ARHGAP28: variants seen among roughly 807,000 people sequenced by gnomAD.
ARHGAP28 encodes the protein Rho GTPase activating protein 28, also known as rho GTPase-activating protein 28.
A neutral mutation model predicts 90.7 loss-of-function variants in ARHGAP28; 56 were observed. The ratio of observed to expected loss-of-function variants is 0.62; its 90% CI spans 0.50 to 0.77. The LOEUF is 0.77. Among genes scored for constraint, ARHGAP28 ranks in the 30% least tolerant of loss-of-function variants. ARHGAP28 has a pLI of 0.00. For synonymous variants in ARHGAP28, 308 were observed against 323.3 expected, an observed-to-expected ratio of 0.95 and a Z score of 0.51; for missense variants, 869 against 900.9, an observed-to-expected ratio of 0.96 and a Z score of 0.45.
At chr18:6,845,218 A>G (rs1427033884) in intron 3 of ARHGAP28, among the ~76,000 whole-genome samples, 1 of 152,200 alleles carries the variant, frequency 6.6e-6, no homozygotes, top group Non-Finnish European at 1.5e-5. Flanking sequence ...AGCTGGGACT[A>G]CAACTGCACA....
intron 3 of ARHGAP28, among the ~76,000 whole-genome samples, chr18:6,846,086 C>T (rs1321121174): frequency 6.6e-6 from 1 of 152,098 alleles, no homozygotes; most frequent in African/African-American, 2.4e-5. Flanking sequence ...TGAATAGGAG[C>T]GATAGAAGGA....
At chr18:6,734,723 A>T (rs192130317) in intron 1 of ARHGAP28, among the ~76,000 whole-genome samples, 15 of 152,320 alleles carry the variant, frequency 9.8e-5, no homozygotes, top group Admixed American at 2.0e-4. Context: ...CTAAGCATTT[A>T]TGTAGGCCCG....
chr18:6,802,733 A>G (rs1040137398), intron 1 of ARHGAP28, among the ~76,000 whole-genome samples: 3 of 152,142 alleles, frequency 2.0e-5, no homozygotes, highest in Non-Finnish European at 4.4e-5. Flanking sequence ...TAAAATACTA[A>G]ATCTTCCAAT....
chr18:6,747,834 T>C (rs190051270), intron 1 of ARHGAP28, among the ~76,000 whole-genome samples: 3 of 152,304 alleles, frequency 2.0e-5, no homozygotes, highest in Admixed American at 2.0e-4. Flanking sequence ...ACATAGCTCT[T>C]ACCCCCAGTG....
rs191304762 is a variant in ARHGAP28, at chr18:6,782,766, A to G, written c.123-41996A>G. ...CACCCAGCCAAGAGATTAATTATAT[A>G]TCATATTTTATATACAATTATATAA... is the stretch of plus-strand genomic sequence containing the variant. On this transcript the variant is annotated intron_variant, in intron 1 of 17. Coordinates refer to ENST00000383472, the MANE Select transcript of ARHGAP28 (RefSeq NM_001366230.1). 5.4e-4 allele frequency among the ~76,000 whole-genome samples: 82 copies of G among 151,014 alleles called. 1 individual carries two copies. The highest frequency in any genetic ancestry group is 1.8e-3 in the African/African-American group (75 of 41,264).
At chr18:6,786,287 T>C (rs969407659) in intron 1 of ARHGAP28, among the ~76,000 whole-genome samples, 1 of 152,178 alleles carries the variant, frequency 6.6e-6, no homozygotes, top group Non-Finnish European at 1.5e-5. Context: ...CTTTAGTTTT[T>C]AGTAAAGAAT....
intron 3 of ARHGAP28, among the ~76,000 whole-genome samples, chr18:6,841,469 A>G: frequency 6.6e-6 from 1 of 151,776 alleles, no homozygotes; most frequent in Middle Eastern, 3.5e-3. Context: ...ATAGATAAGT[A>G]TAAGATACTT....
chr18:6,734,921 C>T (rs2055913012), intron 1 of ARHGAP28, among the ~76,000 whole-genome samples: 1 of 152,146 alleles, frequency 6.6e-6, no homozygotes, highest in Non-Finnish European at 1.5e-5. Context: ...AGTGGGATCC[C>T]TGCTGAGCGT....
At chr18:6,811,880 C>T (rs2056559597) in intron 1 of ARHGAP28, among the ~76,000 whole-genome samples, 1 of 152,054 alleles carries the variant, frequency 6.6e-6, no homozygotes, top group African/African-American at 2.4e-5. Context: ...TCCACATTTA[C>T]CATTCAATTA....
At chr18:6,848,641 A>G (rs779956255) in intron 3 of ARHGAP28, among the ~76,000 whole-genome samples, 1 of 152,226 alleles carries the variant, frequency 6.6e-6, no homozygotes, top group Non-Finnish European at 1.5e-5. Context: ...ACATCGGCCA[A>G]AGGGGAACAT....
intron 14 of ARHGAP28, among the ~76,000 whole-genome samples, chr18:6,893,950 T>G (rs1008024948): frequency 1.4e-5 from 2 of 141,940 alleles, no homozygotes; most frequent in African/African-American, 5.2e-5. Flanking sequence ...CGCTGCAACC[T>G]CCACATCCTG....
rs1032625653 is a variant in ARHGAP28, at chr18:6,876,402, C to T, written c.1290+194C>T. Among the ~76,000 whole-genome samples, 6 of 152,046 alleles carry T rather than the reference C, an allele frequency of 3.9e-5. No individual in the cohort carries two copies. The South Asian group carries it at 6.2e-4, about 16-fold the overall frequency. On this transcript the variant is annotated intron_variant, in intron 10 of 17. Transcript: ENST00000383472. ...TGATCCAGAATTTTAAAAATCAAAA[C>T]GGAAACATTAAAAAACCAAAAACAA...
intron 16 of ARHGAP28, among the ~76,000 whole-genome samples, chr18:6,903,553 C>T (rs2057348461): frequency 6.6e-6 from 1 of 152,044 alleles, no homozygotes; most frequent in South Asian, 2.1e-4. Context: ...GAAAGATAGG[C>T]TGGGCACGAT....
intron 1 of ARHGAP28, among the ~76,000 whole-genome samples, chr18:6,783,805 C>T: frequency 6.6e-6 from 1 of 152,122 alleles, no homozygotes; most frequent in East Asian, 1.9e-4. Context: ...TGTTTATTCC[C>T]CTTTCCCATC....
At chr18:6,790,465 A>G (rs1400468743) in intron 1 of ARHGAP28, 1 of 152,220 alleles carries the variant, frequency 6.6e-6, no homozygotes, top group Non-Finnish European at 1.5e-5. Context: ...GGTAAATGGT[A>G]TCATCACCAA....
chr18:6,852,271 AC>A (rs2056916616), intron 4 of ARHGAP28, among the ~76,000 whole-genome samples: 1 of 152,186 alleles, frequency 6.6e-6, no homozygotes, highest in African/African-American at 2.4e-5. Flanking sequence ...TCAGAAACCT[AC>A]CTTACAAATC....
At chr18:6,826,895 G>C (rs566258038) in intron 2 of ARHGAP28, among the ~76,000 whole-genome samples, 97 of 152,078 alleles carry the variant, frequency 6.4e-4, no homozygotes, top group African/African-American at 2.2e-3. Flanking sequence ...GACTCTCAAC[G>C]AGCACTCTGC....
At chr18:6,806,924 A>G (rs1380705058) in intron 1 of ARHGAP28, among the ~76,000 whole-genome samples, 1 of 152,122 alleles carries the variant, frequency 6.6e-6, no homozygotes, top group South Asian at 2.1e-4. Flanking sequence ...TTGTTATGCT[A>G]TCTTTCAGAT....
Position 6,875,887 on chromosome 18 carries a change from C to T in ARHGAP28, c.1213-244C>T, listed in dbSNP as rs536385761. 7.2e-5 allele frequency among the ~76,000 whole-genome samples: 11 copies of T among 152,206 alleles called. No individual in the cohort carries two copies. In the South Asian group the frequency reaches 1.5e-3, roughly 20 times the overall value. ...TAAGAGCACGAACTTGAGTCAGTGC[C>T]GTTACTTACGAGGTTGATCTTGGGA... is the stretch of plus-strand genomic sequence containing the variant. On this transcript the variant is annotated intron_variant, in intron 9 of 17. Coordinates refer to ENST00000383472, the MANE Select transcript of ARHGAP28 (RefSeq NM_001366230.1).
Sources: gnomAD v4.1 joint callset for allele counts (sites outside exome capture counted in the v4.1 genomes callset) on GRCh38, gnomAD v4.1.1 for gene constraint, MANE v1.5 for transcripts, NCBI Gene and HGNC (gene_info 2026-07-23, HGNC 2026-07-21) for gene names.